The following MCHR2 variants were observed in gnomAD, a reference collection of about 807,000 sequenced individuals.
MCHR2 encodes melanin concentrating hormone receptor 2.
MCHR2 carries 15 observed loss-of-function variants against 24.8 expected under a neutral mutation model. That is an observed-to-expected ratio of 0.60 (90% CI 0.40 to 0.93). The LOEUF is 0.93. Among genes scored for constraint, MCHR2 ranks in the 40% least tolerant of loss-of-function variants. MCHR2 has a pLI of 0.00. For missense variants in MCHR2, 386 were observed against 408.7 expected, an observed-to-expected ratio of 0.94 and a Z score of 0.48; for synonymous variants, 151 against 147.6, an observed-to-expected ratio of 1.02 and a Z score of -0.17.
chr6:99,977,460 G>GC (rs1775573081), intron 1 of MCHR2, among the ~76,000 whole-genome samples: 1 of 152,166 alleles, frequency 6.6e-6, no homozygotes, highest in Non-Finnish European at 1.5e-5. Context: ...GTTCACAGGA[G>GC]TTTTGATACC....
At chr6:99,944,665 A>G (rs139417347) in intron 3 of MCHR2, among the ~76,000 whole-genome samples, 12 of 152,186 alleles carry the variant, frequency 7.9e-5, no homozygotes, top group African/African-American at 2.9e-4. Flanking sequence ...GCGGAAGTGG[A>G]TGATGTAGTG....
At chr6:99,928,047 GTGT>G (rs1392036332) in intron 5 of MCHR2, among the ~76,000 whole-genome samples, 3 of 152,216 alleles carry the variant, frequency 2.0e-5, no homozygotes, top group Admixed American at 2.0e-4. Context: ...TTAGCATGAA[GTGT>G]TGTTGAATTT....
chr6:99,965,791 A>G (rs1022181048), intron 1 of MCHR2, among the ~76,000 whole-genome samples: 1 of 152,124 alleles, frequency 6.6e-6, no homozygotes, highest in African/African-American at 2.4e-5. Flanking sequence ...CCATAAGCAA[A>G]CTTTTTCCAA....
chr6:99,925,667 G>A (rs1347246519), intron 5 of MCHR2, among the ~76,000 whole-genome samples: 2 of 151,758 alleles, frequency 1.3e-5, no homozygotes, highest in Non-Finnish European at 2.9e-5. Context: ...AAACAAACAA[G>A]CAAAAAGAAA....
At chr6:99,975,927 CAA>C (rs1309269137) in intron 1 of MCHR2, among the ~76,000 whole-genome samples, 2 of 152,024 alleles carry the variant, frequency 1.3e-5, no homozygotes. Context: ...GCTAAGTGAC[CAA>C]AGAGAAATTT....
At position 99,947,798 on chromosome 6, in the gene MCHR2, G is replaced by A. The variant is rs1190278357; in HGVS notation, c.356C>T (p.Ala119Val). 6.2e-7 allele frequency: 1 copy of A among 1,613,616 alleles called. No homozygotes were observed. Among genetic ancestry groups the A allele is most frequent in the Non-Finnish European group, 8.5e-7 (1 of 1,179,770 alleles). ...ITSLDTCNQFACSAIMTVMSV... is the reference protein window; with the variant it reads ...ITSLDTCNQFVCSAIMTVMSV... ...CATTACAGTCATGATGGCACTACAGGCAAATTGGTTACAAGTATCCAGGGA... is the reference window on the plus strand; with the variant it reads ...CATTACAGTCATGATGGCACTACAGACAAATTGGTTACAAGTATCCAGGGA... The change falls in exon 3 of 6, where the codon GCC (alanine) becomes GTC (valine). Residue 119 changes from alanine to valine, a missense_variant. Coordinates refer to ENST00000281806, the MANE Select transcript of MCHR2 (RefSeq NM_001040179.2).
At position 99,928,084 on chromosome 6, in the gene MCHR2, A is replaced by G. The variant is rs1018909130; in HGVS notation, c.707+6314T>C. Reference sequence around the variant, plus strand: ...TTTGTCAAAGGCCTTTTCTGCATCTATTGAGATAATCGTGTGGTTTTTGTC... The same window carrying G: ...TTTGTCAAAGGCCTTTTCTGCATCTGTTGAGATAATCGTGTGGTTTTTGTC... On this transcript the variant is annotated intron_variant, in intron 5 of 5. Coordinates refer to ENST00000281806, the MANE Select transcript of MCHR2 (RefSeq NM_001040179.2). Among the ~76,000 whole-genome samples, 24 of 152,292 alleles carry G rather than the reference A, an allele frequency of 1.6e-4. 1 individual carries two copies. In the East Asian group the frequency reaches 2.3e-3, roughly 15 times the overall value.
At chr6:99,969,776 T>C (rs1394721796) in intron 1 of MCHR2, among the ~76,000 whole-genome samples, 2 of 145,634 alleles carry the variant, frequency 1.4e-5, no homozygotes, top group Non-Finnish European at 3.0e-5. Flanking sequence ...TGTGTTCTCA[T>C]TGTTCAATTC....
intron 1 of MCHR2, among the ~76,000 whole-genome samples, chr6:99,979,846 G>T (rs372234518): frequency 6.6e-6 from 1 of 152,088 alleles, no homozygotes; most frequent in Non-Finnish European, 1.5e-5. Context: ...AGAATTCCAC[G>T]AGGAGGGATC....
chr6:99,934,526 TGA>T lies in MCHR2; in HGVS notation c.588-11_588-10del. On this transcript the variant is annotated splice_polypyrimidine_tract_variant and intron_variant, in intron 4 of 5. Transcript: ENST00000281806. ...TCAAATAAAGTGTATACCTGTAAAA[TGA>T]GAGAGAGAAGAGAGAGAGAGAAAGA... The T allele has an allele frequency of 2.6e-6, 4 of 1,558,990 alleles. No homozygotes were observed. Among genetic ancestry groups the T allele is most frequent in the Admixed American group, 2.0e-5 (1 of 49,896 alleles).
intron 1 of MCHR2, among the ~76,000 whole-genome samples, chr6:99,971,046 C>T (rs1433034653): frequency 6.6e-6 from 1 of 152,158 alleles, no homozygotes; most frequent in Non-Finnish European, 1.5e-5. Flanking sequence ...GTGATGCAGG[C>T]TCTTTTTTGG....
At chr6:99,970,786 C>A (rs1291737246) in intron 1 of MCHR2, among the ~76,000 whole-genome samples, 4 of 152,106 alleles carry the variant, frequency 2.6e-5, no homozygotes, top group Non-Finnish European at 5.9e-5. Context: ...ATATGGCTAG[C>A]CAGTTTTCCC....
At chr6:99,992,017 A>G (rs893474903) in intron 1 of MCHR2, among the ~76,000 whole-genome samples, 3 of 152,210 alleles carry the variant, frequency 2.0e-5, no homozygotes, top group African/African-American at 7.2e-5. Flanking sequence ...AAATAAATGC[A>G]TAAGGGATTG....
rs561411740 is a variant in MCHR2, at chr6:99,971,850, T to C, written c.-27-15676A>G. ...GTTTTTGTCTTTGGTTCTGTTTATA[T>C]GCTGGATTACATTTATTGATTTATG... On this transcript the variant is annotated intron_variant, in intron 1 of 5. Transcript: ENST00000281806. Among the ~76,000 whole-genome samples, 226 of 152,372 alleles carry C rather than the reference T, an allele frequency of 1.5e-3. 1 individual carries two copies. The highest frequency in any genetic ancestry group is 2.5e-3 in the Admixed American group (38 of 15,312).
At chr6:99,963,664 C>A (rs969748329) in intron 1 of MCHR2, among the ~76,000 whole-genome samples, 5 of 151,866 alleles carry the variant, frequency 3.3e-5, no homozygotes, top group African/African-American at 1.2e-4. Flanking sequence ...TATATGTTTT[C>A]TTTTTAATCA....
At chr6:99,972,720 C>T (rs1356270766) in intron 1 of MCHR2, among the ~76,000 whole-genome samples, 3 of 152,024 alleles carry the variant, frequency 2.0e-5, no homozygotes, top group Non-Finnish European at 4.4e-5. Context: ...TTTCCCTCTA[C>T]ATACTGCTTT....
At chr6:99,962,640 AC>A (rs1476468438) in intron 1 of MCHR2, among the ~76,000 whole-genome samples, 1 of 152,052 alleles carries the variant, frequency 6.6e-6, no homozygotes, top group Non-Finnish European at 1.5e-5. Context: ...GAAATGTAAA[AC>A]TCCTCGAAGA....
intron 1 of MCHR2, among the ~76,000 whole-genome samples, chr6:99,985,832 C>T (rs566005445): frequency 2.0e-5 from 3 of 152,024 alleles, no homozygotes; most frequent in Admixed American, 1.3e-4. Context: ...GGGATTTAAT[C>T]GAACTAAAAA....
At chr6:99,943,581 C>T (rs1328675003) in intron 3 of MCHR2, among the ~76,000 whole-genome samples, 5 of 151,556 alleles carry the variant, frequency 3.3e-5, no homozygotes, top group South Asian at 2.1e-4. Context: ...TGAGAACATG[C>T]GGTGTTTGGT....
Sources: gnomAD v4.1 joint callset for allele counts (sites outside exome capture counted in the v4.1 genomes callset) on GRCh38, gnomAD v4.1.1 for gene constraint, MANE v1.5 for transcripts, NCBI Gene and HGNC (gene_info 2026-07-23, HGNC 2026-07-21) for gene names.